Variants in EEF2KMT observed in about 807,000 individuals in gnomAD.
The protein encoded by EEF2KMT is eukaryotic elongation factor 2 lysine methyltransferase.
A neutral mutation model predicts 35.1 loss-of-function variants in EEF2KMT; 30 were observed. The observed-to-expected ratio is 0.85, with a 90% CI of 0.64 to 1.16. The LOEUF (loss-of-function observed/expected upper bound fraction) is 1.16. Ranked by LOEUF, EEF2KMT falls within the 50% of genes most tolerant of loss-of-function variation. The probability of loss-of-function intolerance (pLI) is 0.00; values close to 1 mark genes in which losing one functional copy is unlikely to be tolerated. For missense variants in EEF2KMT, 499 were observed against 438.2 expected, an observed-to-expected ratio of 1.14 and a Z score of -1.24; for synonymous variants, 190 against 187.7, an observed-to-expected ratio of 1.01 and a Z score of -0.10.
At chr16:5,088,981 T>A in intron 7 of EEF2KMT, 126 bp downstream of exon 7, 2 of 1,587,400 alleles carry the variant, frequency 1.3e-6, no homozygotes, top group East Asian at 2.2e-5. Context: ...CTGCCTGAGT[T>A]CCCCCCATGG....
rs1957111384 is a variant in EEF2KMT at position 5,085,158 on chromosome 16, G to T, written c.*474C>A. 3.3e-6 allele frequency: 2 copies of T among 605,426 alleles called. No homozygotes were observed. The highest frequency in any genetic ancestry group is 4.0e-5 in the South Asian group (2 of 49,552). 37.5% of individuals were successfully genotyped at this position (605,426 alleles called of 1,614,324 possible). ...TATTACTGTTCTGTGACTTCCCTGTGACCTCTGCAGAACTCCTCATCCTGC... is the reference window on the plus strand; with the variant it reads ...TATTACTGTTCTGTGACTTCCCTGTTACCTCTGCAGAACTCCTCATCCTGC... On this transcript the variant is annotated 3_prime_UTR_variant, in exon 8 of 8. Transcript: ENST00000427587.
At chr16:5,092,731 G>A (rs528172407) in intron 3 of EEF2KMT, among the ~76,000 whole-genome samples, 28 of 152,294 alleles carry the variant, frequency 1.8e-4, no homozygotes, top group African/African-American at 6.3e-4. Context: ...GGGAGGCCGA[G>A]GCAGGCGGAT....
chr16:5,097,439 T>C, intron 1 of EEF2KMT: 3 of 1,410,124 alleles, frequency 2.1e-6, no homozygotes, highest in Admixed American at 2.5e-5. Context: ...CGCCCCCAGC[T>C]TCCCCCGCCA....
chr16:5,090,687 G>C lies in EEF2KMT; in HGVS notation c.343-122C>G. 7.4e-7 allele frequency: 1 copy of C among 1,345,294 alleles called. No individual in the cohort carries two copies. Among genetic ancestry groups the C allele is most frequent in the East Asian group, 2.4e-5 (1 of 41,964 alleles). The allele number at this position is 1,345,294 out of a possible 1,614,324, so 83.3% of individuals were successfully genotyped here. ...AGGACCAATCGCCACTCAGCAATGA[G>C]AAGCAGCTAACTGTTGGCATGCCAA... On this transcript the variant is annotated intron_variant, in intron 4 of 7. Transcript: ENST00000427587. The surrounding 1 kb of genome is among the most constrained non-coding windows in gnomAD (Gnocchi z 4.1).
chr16:5,087,668 C>G (rs1419754073), intron 7 of EEF2KMT, among the ~76,000 whole-genome samples: 1 of 151,880 alleles, frequency 6.6e-6, no homozygotes, highest in Non-Finnish European at 1.5e-5. Flanking sequence ...TGTGGTAGCA[C>G]GTGCCTGTAG....
At position 5,091,915 on chromosome 16, in the gene EEF2KMT, G is replaced by C. The variant is rs764867714; in HGVS notation, c.241-20C>G. The C allele has an allele frequency of 6.2e-7, 1 of 1,611,310 alleles. No homozygotes were observed. Among genetic ancestry groups the C allele is most frequent in the Non-Finnish European group, 8.5e-7 (1 of 1,179,560 alleles). On this transcript the variant is annotated intron_variant, in intron 3 of 7. Coordinates refer to ENST00000427587, the MANE Select transcript of EEF2KMT (RefSeq NM_201400.4). ...CTCGTGCTGGGGGCAGACAGAGTGA[G>C]AGCTTGTTTGCTTTCGTTCTAATCT...
chr16:5,097,746 G>C lies in EEF2KMT; in HGVS notation c.-7C>G, dbSNP rs765802839. 12 of 1,554,456 alleles carry C rather than the reference G, an allele frequency of 7.7e-6. No individual in the cohort carries two copies. The East Asian group carries it at 2.8e-4, about 37-fold the overall frequency. On this transcript the variant is annotated 5_prime_UTR_variant, in exon 1 of 8. Coordinates refer to ENST00000427587, the MANE Select transcript of EEF2KMT (RefSeq NM_201400.4). ...CGTTCTCCTCGGGCGCCATGACGTG[G>C]GCGGGGCCGCAGCGTTGCCGGCAGA...
chr16:5,097,499 G>C, intron 1 of EEF2KMT, 145 bp downstream of exon 1: 4 of 1,440,804 alleles, frequency 2.8e-6, no homozygotes, highest in Non-Finnish European at 2.7e-6. Context: ...CCCCAGGGAC[G>C]GGGACCGGGT....
At position 5,084,684 on chromosome 16, in the gene EEF2KMT, A is replaced by G. The variant is rs1345060335; in HGVS notation, c.*948T>C. 3.1e-6 allele frequency: 5 copies of G among 1,595,286 alleles called. No individual in the cohort carries two copies. In the African/African-American group the frequency reaches 6.7e-5, roughly 21 times the overall value. ...TTGGGTCGGGGACCTGGGGTCAGCC[A>G]GGTGGTGACCTGGGATGGGGTGGGG... On this transcript the variant is annotated 3_prime_UTR_variant, in exon 8 of 8. Transcript: ENST00000427587.
At chr16:5,097,483 GC>G (rs1348950938) in intron 1 of EEF2KMT, 160 bp downstream of exon 1, 23 of 1,427,700 alleles carry the variant, frequency 1.6e-5, no homozygotes, top group Non-Finnish European at 2.0e-5. Flanking sequence ...AGCGACTCTG[GC>G]CAGGCCCCAG....
intron 2 of EEF2KMT, among the ~76,000 whole-genome samples, chr16:5,095,157 T>G (rs924287799): frequency 2.0e-5 from 3 of 152,248 alleles, no homozygotes; most frequent in Non-Finnish European, 4.4e-5. Context: ...GAAGCTGTTT[T>G]GCACCTGTCA....
intron 2 of EEF2KMT, 26 bp from the exon 3 acceptor site, chr16:5,093,590 T>C: frequency 6.2e-7 from 1 of 1,611,948 alleles, no homozygotes; most frequent in East Asian, 2.2e-5. Flanking sequence ...GAACGTTGGT[T>C]GCTCGAGAGC....
chr16:5,096,335 T>A (rs1211090662), intron 1 of EEF2KMT, among the ~76,000 whole-genome samples: 1 of 152,220 alleles, frequency 6.6e-6, no homozygotes, highest in African/African-American at 2.4e-5. Context: ...TCTGGTCTTT[T>A]CTTGTTTATT....
chr16:5,085,620 C>T lies in EEF2KMT; in HGVS notation c.*12G>A, dbSNP rs376514038. 8.7e-5 allele frequency: 135 copies of T among 1,558,196 alleles called. 1 individual carries two copies. The African/African-American group carries it at 1.5e-3, about 18-fold the overall frequency. The stretch of plus-strand genomic sequence containing the variant: ...TTGATTCTCACAATCCCGTTGGAGT[C>T]GTGTGTGAGTCCTACAGGGTGAGAT... On this transcript the variant is annotated 3_prime_UTR_variant, in exon 8 of 8. Coordinates refer to ENST00000427587, the MANE Select transcript of EEF2KMT (RefSeq NM_201400.4).
intron 3 of EEF2KMT, among the ~76,000 whole-genome samples, chr16:5,092,216 T>G (rs55806809): frequency 0.37 from 56,623 of 151,002 alleles, 12,706 homozygotes; most frequent in Middle Eastern, 0.56. Flanking sequence ...GTTGGGAGGG[T>G]AGGGTTAGGT....
intron 6 of EEF2KMT, 139 bp from the exon 7 acceptor site, chr16:5,089,395 T>G: frequency 8.5e-7 from 1 of 1,178,680 alleles, no homozygotes; most frequent in Non-Finnish European, 1.2e-6. Context: ...GGCCATTAGA[T>G]GGAAAGGCAA....
In EEF2KMT at chr16:5,097,653, G is replaced by T; in HGVS notation, c.87C>A (p.Phe29Leu). Residue 29 changes from phenylalanine to leucine, a missense_variant, in exon 1 of 8, where the codon TTC (phenylalanine) becomes TTA (leucine). Physicochemically the swap from Phe to Leu is conservative, Grantham distance 22. Transcript: ENST00000427587. ...TCGCCCCGCCGCCCACCTGCCAGGG[G>T]AAGGAGCGCAGTGTGCGTGCCGCCA... ...RFLAARTLRSFPWQSLEAKLR... is the reference protein window; with the variant it reads ...RFLAARTLRSLPWQSLEAKLR... 1.3e-6 allele frequency: 2 copies of T among 1,570,584 alleles called. No individual in the cohort carries two copies. The highest frequency in any genetic ancestry group is 1.8e-5 in the Admixed American group (1 of 54,910).
rs1957387149 is a variant in EEF2KMT at position 5,093,517 on chromosome 16, A to AT, written c.206dup (p.Tyr69Ter). 1 of 1,611,610 alleles carries AT rather than the reference A, an allele frequency of 6.2e-7. No homozygotes were observed. The highest frequency in any genetic ancestry group is 1.3e-5 in the African/African-American group (1 of 74,610). Residue 69 changes from tyrosine (Y) to a stop codon, truncating the protein, a stop_gained and frameshift_variant, in exon 3 of 8, where the codon TAT becomes TAAT. Coordinates refer to ENST00000427587, the MANE Select transcript of EEF2KMT (RefSeq NM_201400.4). LOFTEE classifies it high-confidence loss of function. The stretch of plus-strand genomic sequence containing the variant: ...TGAGTTCTGAGAGAAAGCACCGGGC[A>AT]TATTTGACGGACGGCGGGTGCTTCA... ...VCVKHPPSVK[Y>*]ARCFLSELIK...
At chr16:5,087,145 A>G (rs1596269282) in intron 7 of EEF2KMT, 1 of 152,296 alleles carries the variant, frequency 6.6e-6, no homozygotes, top group East Asian at 1.9e-4. Context: ...TCCCTGTGCC[A>G]CACTGGAAGA....
Sources: gnomAD v4.1 joint callset for allele counts (sites outside exome capture counted in the v4.1 genomes callset) on GRCh38, gnomAD v4.1.1 for gene constraint, Gnocchi (gnomAD v3.1) non-coding constraint, MANE v1.5 for transcripts, NCBI Gene and HGNC (gene_info 2026-07-23, HGNC 2026-07-21) for gene names.